Variants in PEX19 observed in about 807,000 individuals in gnomAD.
The protein encoded by PEX19 is peroxisomal biogenesis factor 19, also known as 33 kDa housekeeping protein.
PEX19 carries 29 observed loss-of-function variants against 36.3 expected under a neutral mutation model. The observed-to-expected ratio is 0.80, with a 90% CI of 0.60 to 1.09. The LOEUF is 1.09. PEX19 is among the 50% of genes least tolerant of loss of function. The pLI is 0.00. For missense variants in PEX19, 396 were observed against 368.1 expected, an observed-to-expected ratio of 1.08 and a Z score of -0.62; for synonymous variants, 141 against 135.2, an observed-to-expected ratio of 1.04 and a Z score of -0.30.
intron 2 of PEX19, 52 bp downstream of exon 2, chr1:160,283,478 C>CAGGG: frequency 2.2e-6 from 3 of 1,348,406 alleles, no homozygotes; most frequent in Non-Finnish European, 3.2e-6. Flanking sequence ...AACCTCTGCT[C>CAGGG]AGGGCTGCAT....
At chr1:160,279,689 A>C in intron 7 of PEX19, 55 bp from the exon 8 acceptor site, 1 of 1,549,194 alleles carries the variant, frequency 6.5e-7, no homozygotes. Flanking sequence ...GACAGACGTG[A>C]AGATCCATCC....
chr1:160,284,641 G>T (rs1187251912), intron 1 of PEX19, among the ~76,000 whole-genome samples: 6 of 152,230 alleles, frequency 3.9e-5, no homozygotes, highest in African/African-American at 1.4e-4. Flanking sequence ...ACAGGACGAG[G>T]CACACAAGGA....
chr1:160,279,679 G>T, intron 7 of PEX19, 45 bp from the exon 8 acceptor site: 2 of 1,567,340 alleles, frequency 1.3e-6, no homozygotes, highest in South Asian at 1.1e-5. Context: ...CATTTTTTAG[G>T]ACAGACGTGA....
At position 160,282,065 on chromosome 1, in the gene PEX19, G is replaced by A; in HGVS notation, c.568C>T (p.Pro190Ser). The change falls in exon 5 of 8, where the codon CCA becomes TCA. Residue 190 changes from proline (P) to serine (S), a missense_variant. Physicochemically the swap from Pro to Ser is moderately conservative, Grantham distance 74. Coordinates refer to ENST00000368072, the MANE Select transcript of PEX19 (RefSeq NM_002857.4). ...TTTTCTGTGATCTCCTTCAGTGATG[G>A]GTACAGCACATCCTTGGAGAGTAGG... ...QNLLSKDVLYPSLKEITEKYP... is the reference protein window; with the variant it reads ...QNLLSKDVLYSSLKEITEKYP... 1 of 1,613,952 alleles carries A rather than the reference G, an allele frequency of 6.2e-7. No homozygotes were observed. Among genetic ancestry groups the A allele is most frequent in the East Asian group, 2.2e-5 (1 of 44,872 alleles).
chr1:160,282,192 G>A lies in PEX19; in HGVS notation c.441C>T (p.Ser147=), dbSNP rs745392627. 6 of 1,614,084 alleles carry A rather than the reference G, an allele frequency of 3.7e-6. No homozygotes were observed. The highest frequency in any genetic ancestry group is 5.1e-6 in the Non-Finnish European group (6 of 1,179,996). The change falls in exon 5 of 8, where the codon AGC becomes AGT. Residue 147 remains serine (S), a synonymous_variant. Coordinates refer to ENST00000368072, the MANE Select transcript of PEX19 (RefSeq NM_002857.4). ...CCTTGGTCAGCTCTTCTTCCGACAT[G>A]CTGGAGTTCTAGATAGGACAAGTAA... ...AKNATDLQNS[S]MSEEELTKAM... is the part of the protein sequence containing the mutation.
chr1:160,282,256 ACT>A, intron 4 of PEX19, 56 bp from the exon 5 acceptor site: 1 of 1,574,788 alleles, frequency 6.4e-7, no homozygotes, highest in Non-Finnish European at 8.7e-7. Context: ...GATGCTCACC[ACT>A]CTCTCAGGTG....
At chr1:160,283,952 C>T (rs1657892742) in intron 1 of PEX19, among the ~76,000 whole-genome samples, 1 of 152,180 alleles carries the variant, frequency 6.6e-6, no homozygotes, top group South Asian at 2.1e-4. Flanking sequence ...CCTTGCCACA[C>T]CCTAACGATT....
Position 160,278,642 on chromosome 1 carries a change from A to C in PEX19, c.*909T>G. On this transcript the variant is annotated 3_prime_UTR_variant, in exon 8 of 8. Transcript: ENST00000368072. ...TAAGCCAGAATGTATCTGGGGAAGA[A>C]TAGCCATTAATTTCCTAGACCTGAC... 1 of 454,434 alleles carries C rather than the reference A, an allele frequency of 2.2e-6. No homozygotes were observed. Among genetic ancestry groups the C allele is most frequent in the Non-Finnish European group, 4.4e-6 (1 of 227,032 alleles). 28.2% of individuals were successfully genotyped at this position (454,434 alleles called of 1,614,324 possible). A position where few individuals can be genotyped will look rare whatever the true frequency, so the allele number is the denominator to read the frequency against.
rs1198829905 is a variant in PEX19, at chr1:160,278,865, C to T, written c.*686G>A. 1 of 453,854 alleles carries T rather than the reference C, an allele frequency of 2.2e-6. No homozygotes were observed. Among genetic ancestry groups the T allele is most frequent in the Non-Finnish European group, 4.4e-6 (1 of 226,762 alleles). The allele number at this position is 453,854 out of a possible 1,614,324, so 28.1% of individuals were successfully genotyped here. Reference sequence around the variant, plus strand: ...GAGGAAGGTCAGGGGCTGGGTTCACCCATATCACACAGCATTGTAGGAAGA... The same window carrying T: ...GAGGAAGGTCAGGGGCTGGGTTCACTCATATCACACAGCATTGTAGGAAGA... On this transcript the variant is annotated 3_prime_UTR_variant, in exon 8 of 8. Coordinates refer to ENST00000368072, the MANE Select transcript of PEX19 (RefSeq NM_002857.4).
chr1:160,284,074 CA>C, intron 1 of PEX19: 1 of 471,866 alleles, frequency 2.1e-6, no homozygotes. Context: ...AAGCACAGGA[CA>C]TCCCACCCAG....
Position 160,279,372 on chromosome 1 carries a change from C to T in PEX19, c.*179G>A, listed in dbSNP as rs1657666069. On this transcript the variant is annotated 3_prime_UTR_variant, in exon 8 of 8. Transcript: ENST00000368072. ...CACAGAAATGGCCTGTGAAACAGAC[C>T]CTATTCCTAGAGAGACAGAGGAAAA... 2 of 703,164 alleles carry T rather than the reference C, an allele frequency of 2.8e-6. No homozygotes were observed. The highest frequency in any genetic ancestry group is 5.2e-6 in the Non-Finnish European group (2 of 386,660). 43.6% of individuals were successfully genotyped at this position (703,164 alleles called of 1,614,324 possible).
At chr1:160,284,430 T>C (rs996891631) in intron 1 of PEX19, among the ~76,000 whole-genome samples, 2 of 151,788 alleles carry the variant, frequency 1.3e-5, no homozygotes, top group Non-Finnish European at 2.9e-5. Context: ...AACAGGGGAG[T>C]GGAGAGTAAT....
rs1171752553 is a variant in PEX19, at chr1:160,277,229, G to A, written c.*2322C>T. On this transcript the variant is annotated 3_prime_UTR_variant, in exon 8 of 8. Transcript: ENST00000368072. Reference sequence around the variant, plus strand: ...TTTTTTTTTCACCAGTCTGTGACATGGTGAATTAGAAATTGAGAGTGTTTA... The same window carrying A: ...TTTTTTTTTCACCAGTCTGTGACATAGTGAATTAGAAATTGAGAGTGTTTA... 4.4e-6 allele frequency: 2 copies of A among 455,550 alleles called. No individual in the cohort carries two copies. The highest frequency in any genetic ancestry group is 1.6e-5 in the South Asian group (1 of 64,502). 28.2% of individuals were successfully genotyped at this position (455,550 alleles called of 1,614,324 possible).
rs1657881279 is a variant in PEX19, at chr1:160,283,659, GGT to G, written c.71-22_71-21del. On this transcript the variant is annotated intron_variant, in intron 1 of 7. Coordinates refer to ENST00000368072, the MANE Select transcript of PEX19 (RefSeq NM_002857.4). ...GAGCACCTTCAGAGACAAGAGACAT[GGT>G]GTGTGTGTTGGCGACAGATGAGAAT... 4 of 1,571,430 alleles carry G rather than the reference GGT, an allele frequency of 2.5e-6. No homozygotes were observed. Among genetic ancestry groups the G allele is most frequent in the Non-Finnish European group, 3.5e-6 (4 of 1,141,056 alleles).
rs1209615108 is a variant in PEX19 at position 160,283,086 on chromosome 1, C to G, written c.204G>C (p.Glu68Asp). The G allele has an allele frequency of 6.2e-7, 1 of 1,613,908 alleles. No individual in the cohort carries two copies. Among genetic ancestry groups the G allele is most frequent in the South Asian group, 1.1e-5 (1 of 91,056 alleles). The change falls in exon 3 of 8, where the codon GAG (glutamate) becomes GAC (aspartate). Residue 68 changes from glutamate (E) to aspartate (D), a missense_variant. Physicochemically the swap from Glu to Asp is conservative, Grantham distance 45 (BLOSUM62 2). Transcript: ENST00000368072. ...TAKDALFASQEKFFQELFDSE... is the reference protein window; with the variant it reads ...TAKDALFASQDKFFQELFDSE... Reference sequence around the variant, plus strand: ...TGTCGAATAGTTCCTGGAAAAACTTCTCTTGGGAAGCGAAGAGGGCATCCT... The same window carrying G: ...TGTCGAATAGTTCCTGGAAAAACTTGTCTTGGGAAGCGAAGAGGGCATCCT...
In PEX19 at chr1:160,283,065, G is replaced by C; in HGVS notation, c.225C>G (p.Phe75Leu). The C allele has an allele frequency of 1.2e-6, 2 of 1,614,020 alleles. No individual in the cohort carries two copies. The highest frequency in any genetic ancestry group is 1.7e-6 in the Non-Finnish European group (2 of 1,180,022). The change falls in exon 3 of 8, where the codon TTC becomes TTG. Residue 75 changes from phenylalanine (F) to leucine (L), a missense_variant. Physicochemically the swap from Phe to Leu is conservative, Grantham distance 22. Transcript: ENST00000368072. ...TGGCTTGGGAAGCCAGTTCACTGTC[G>C]AATAGTTCCTGGAAAAACTTCTCTT... The part of the protein sequence containing the change: ...ASQEKFFQEL[F>L]DSELASQATA...
chr1:160,283,064 C>A lies in PEX19; in HGVS notation c.226G>T (p.Asp76Tyr). ...SQEKFFQELF[D>Y]SELASQATAE... ...GTGGCTTGGGAAGCCAGTTCACTGTCGAATAGTTCCTGGAAAAACTTCTCT... is the reference window on the plus strand; with the variant it reads ...GTGGCTTGGGAAGCCAGTTCACTGTAGAATAGTTCCTGGAAAAACTTCTCT... Residue 76 changes from aspartate (D) to tyrosine (Y), a missense_variant, in exon 3 of 8, where the codon GAC (aspartate) becomes TAC (tyrosine). Asp to Tyr is a radical substitution (Grantham distance 160, BLOSUM62 -3). Transcript: ENST00000368072. 1 of 1,614,006 alleles carries A rather than the reference C, an allele frequency of 6.2e-7. No homozygotes were observed. Among genetic ancestry groups the A allele is most frequent in the South Asian group, 1.1e-5 (1 of 91,046 alleles).
In PEX19 at chr1:160,282,928, T is replaced by G. The variant is rs760854904; in HGVS notation, c.346+16A>C. The G allele has an allele frequency of 6.2e-7, 1 of 1,613,224 alleles. No individual in the cohort carries two copies. Among genetic ancestry groups the G allele is most frequent in the South Asian group, 1.1e-5 (1 of 91,056 alleles). On this transcript the variant is annotated intron_variant, in intron 3 of 7. Coordinates refer to ENST00000368072, the MANE Select transcript of PEX19 (RefSeq NM_002857.4). The stretch of plus-strand genomic sequence containing the variant: ...GAGTCTGTTCAGATATTTCCATGTA[T>G]CTGGGGTCTCCTCACCCACTCTCCC...
Position 160,279,013 on chromosome 1 carries a change from C to T in PEX19, c.*538G>A, listed in dbSNP as rs1259982591. The T allele has an allele frequency of 4.4e-6, 2 of 454,096 alleles. No individual in the cohort carries two copies. Among genetic ancestry groups the T allele is most frequent in the African/African-American group, 4.0e-5 (2 of 50,006 alleles). 28.1% of individuals were successfully genotyped at this position (454,096 alleles called of 1,614,324 possible). A position where few individuals can be genotyped will look rare whatever the true frequency, so the allele number is the denominator to read the frequency against. On this transcript the variant is annotated 3_prime_UTR_variant, in exon 8 of 8. Transcript: ENST00000368072. ...GTGATTAGATGCAAAAGCCCTTTCC[C>T]TTTAGAGAATTCAGAATGGTCTGTC...
Sources: allele counts gnomAD v4.1 joint callset (sites outside exome capture counted in the v4.1 genomes callset), GRCh38; gene constraint gnomAD v4.1.1; transcripts MANE v1.5; gene names NCBI Gene and HGNC (gene_info 2026-07-23, HGNC 2026-07-21).